The following BEND7 variants were observed in gnomAD, a reference collection of about 807,000 sequenced individuals.
The protein encoded by BEND7 is BEN domain containing 7, also known as BEN domain-containing protein 7.
In BEND7, 28 loss-of-function variants were observed where a neutral mutation model predicts 50.9. The ratio of observed to expected loss-of-function variants is 0.55; its 90% CI spans 0.41 to 0.75. The LOEUF (loss-of-function observed/expected upper bound fraction) is 0.75, where lower values mean the gene tolerates loss of function less well. BEND7 is among the 30% of genes least tolerant of loss of function. The probability of loss-of-function intolerance (pLI) is 0.00; values close to 1 mark genes in which losing one functional copy is unlikely to be tolerated. For synonymous variants in BEND7, 170 were observed against 183.9 expected (o/e 0.92, Z 0.61); for missense variants, 477 against 491.3 (o/e 0.97, Z 0.28).
chr10:13,498,831 G>C (rs1312154829), intron 3 of BEND7, among the ~76,000 whole-genome samples: 1 of 152,170 alleles, frequency 6.6e-6, no homozygotes, highest in Non-Finnish European at 1.5e-5. Context: ...GAGAGGCAGA[G>C]AAGACACCCA....
rs183289638 is a variant in BEND7 at position 13,479,196 on chromosome 10, A to C, written c.1063+1703T>G. On this transcript the variant is annotated intron_variant, in intron 6 of 8. Transcript: ENST00000466271. Reference sequence around the variant, plus strand: ...TAATTTTTTTTAATTTTTAGTAGAGACGGGGTTTCACCATGTTGGCCAGGC... The same window carrying C: ...TAATTTTTTTTAATTTTTAGTAGAGCCGGGGTTTCACCATGTTGGCCAGGC... Among the ~76,000 whole-genome samples, 259 of 151,850 alleles carry C rather than the reference A, an allele frequency of 1.7e-3. 6 individuals carry two copies. Among genetic ancestry groups the C allele is most frequent in the Non-Finnish European group, 3.4e-4 (23 of 67,936 alleles).
At chr10:13,472,357 G>T (rs907150192) in intron 6 of BEND7, among the ~76,000 whole-genome samples, 2 of 151,268 alleles carry the variant, frequency 1.3e-5, no homozygotes, top group Admixed American at 1.3e-4. Flanking sequence ...CATCATTGCT[G>T]TTAGACTCAG....
Position 13,528,908 on chromosome 10 carries a change from G to T in BEND7, c.-375C>A. 1 of 144,684 alleles carries T rather than the reference G, an allele frequency of 6.9e-6. No individual in the cohort carries two copies. The highest frequency in any genetic ancestry group is 1.9e-4 in the South Asian group (1 of 5,176). The allele number at this position is 144,684 out of a possible 1,614,324, so 9.0% of individuals were successfully genotyped here. On this transcript the variant is annotated 5_prime_UTR_variant, in exon 1 of 9. Transcript: ENST00000466271. Reference sequence around the variant, plus strand: ...GGGGCGCGGCGGCGGCGGCGGAGGCGGGGGGCGGCTCGGGGCGGCCGGCCC... The same window carrying T: ...GGGGCGCGGCGGCGGCGGCGGAGGCTGGGGGCGGCTCGGGGCGGCCGGCCC...
intron 3 of BEND7, among the ~76,000 whole-genome samples, chr10:13,499,201 T>C (rs1350304807): frequency 1.3e-5 from 2 of 152,186 alleles, no homozygotes; most frequent in Non-Finnish European, 2.9e-5. Flanking sequence ...TCTTAACAAT[T>C]AGGAAACTTA....
At chr10:13,493,686 G>A (rs371852470) in intron 4 of BEND7, among the ~76,000 whole-genome samples, 6 of 152,196 alleles carry the variant, frequency 3.9e-5, no homozygotes, top group Admixed American at 3.9e-4. Flanking sequence ...AAGAAATCCA[G>A]GATGGTAAAT....
intron 7 of BEND7, among the ~76,000 whole-genome samples, chr10:13,449,552 G>A (rs1244794537): frequency 2.6e-5 from 4 of 152,158 alleles, no homozygotes; most frequent in African/African-American, 7.2e-5. Flanking sequence ...GCTATTAATA[G>A]TCCAAACATA....
chr10:13,524,368 C>T (rs60442458), intron 2 of BEND7, among the ~76,000 whole-genome samples: 3,243 of 152,246 alleles, frequency 0.021, 110 homozygotes, highest in African/African-American at 0.072. Flanking sequence ...ACCAACCAGG[C>T]ACGGTGGCTC....
downstream of BEND7, chr10:13,439,452 G>A: frequency 6.2e-7 from 1 of 1,613,702 alleles, no homozygotes. Context: ...TAGGGTCACC[G>A]CTGCACTCCC....
At chr10:13,522,601 C>A (rs996725132) in intron 2 of BEND7, among the ~76,000 whole-genome samples, 6 of 152,228 alleles carry the variant, frequency 3.9e-5, no homozygotes, top group African/African-American at 1.4e-4. Flanking sequence ...CCTCACCCTT[C>A]CCACCTGGAA....
chr10:13,486,353 A>G (rs1422275762), intron 5 of BEND7, among the ~76,000 whole-genome samples: 2 of 152,202 alleles, frequency 1.3e-5, no homozygotes, highest in East Asian at 3.9e-4. Flanking sequence ...TCCTATGCTG[A>G]GAATATAGCC....
Position 13,528,598 on chromosome 10 carries a change from CAGCGGCAGCGGCGG to C in BEND7, c.-79_-66del. 1 of 828,104 alleles carries C rather than the reference CAGCGGCAGCGGCGG, an allele frequency of 1.2e-6. No homozygotes were observed. Among genetic ancestry groups the C allele is most frequent in the Non-Finnish European group, 1.4e-6 (1 of 695,950 alleles). 51.3% of individuals were successfully genotyped at this position (828,104 alleles called of 1,614,324 possible). ...GCAGCGGCGGCAGCGGCAGCGGCGG[CAGCGGCAGCGGCGG>C]CGCGGGCTCGTGTCACCGCGGCGGA... On this transcript the variant is annotated 5_prime_UTR_variant, in exon 1 of 9. Coordinates refer to ENST00000466271, the MANE Select transcript of BEND7 (RefSeq NM_001369863.1).
intron 6 of BEND7, 113 bp from the exon 7 acceptor site, chr10:13,452,771 C>A: frequency 1.1e-6 from 1 of 949,750 alleles, no homozygotes. Context: ...GAGGTCAGTT[C>A]TGCACGATAT....
chr10:13,441,891 C>G, intron 8 of BEND7, 141 bp from the exon 9 acceptor site: 2 of 803,394 alleles, frequency 2.5e-6, no homozygotes, highest in South Asian at 1.7e-5. Context: ...AGAAGCCACA[C>G]ATATATGAGA....
At chr10:13,523,989 A>C (rs2132738335) in intron 2 of BEND7, among the ~76,000 whole-genome samples, 1 of 152,340 alleles carries the variant, frequency 6.6e-6, no homozygotes, top group South Asian at 2.1e-4. Context: ...CCACTTTGAA[A>C]GCGTATCTAT....
At chr10:13,450,782 G>C (rs890624442) in intron 7 of BEND7, among the ~76,000 whole-genome samples, 3 of 152,126 alleles carry the variant, frequency 2.0e-5, no homozygotes, top group African/African-American at 7.2e-5. Context: ...GAGGAGGGGA[G>C]GGGTGGGGAG....
intron 5 of BEND7, among the ~76,000 whole-genome samples, chr10:13,484,272 C>T (rs1468845010): frequency 5.3e-5 from 8 of 152,304 alleles, no homozygotes; most frequent in Non-Finnish European, 1.0e-4. Context: ...TGCCGCAAGG[C>T]AACAACGCCT....
At chr10:13,472,624 C>T (rs770472957) in intron 6 of BEND7, among the ~76,000 whole-genome samples, 2 of 151,762 alleles carry the variant, frequency 1.3e-5, no homozygotes, top group Non-Finnish European at 2.9e-5. Context: ...GGGATTGATA[C>T]CCGTCATCGC....
At chr10:13,476,473 C>A (rs2075448943) in intron 6 of BEND7, among the ~76,000 whole-genome samples, 1 of 152,180 alleles carries the variant, frequency 6.6e-6, no homozygotes, top group South Asian at 2.1e-4. Context: ...CAAGAAGATT[C>A]AAGACTCCAG....
intron 2 of BEND7, among the ~76,000 whole-genome samples, chr10:13,524,558 C>T (rs2079303843): frequency 6.7e-6 from 1 of 148,200 alleles, no homozygotes; most frequent in Non-Finnish European, 1.5e-5. Flanking sequence ...GCAGGAGAAT[C>T]GCCTGAACCT....
Sources: gnomAD v4.1 joint callset for allele counts (sites outside exome capture counted in the v4.1 genomes callset) on GRCh38, gnomAD v4.1.1 for gene constraint, MANE v1.5 for transcripts, NCBI Gene and HGNC (gene_info 2026-07-23, HGNC 2026-07-21) for gene names.